Variants in TMTC2 observed in about 807,000 individuals in gnomAD.
The protein encoded by TMTC2 is protein O-mannosyl-transferase TMTC2.
TMTC2 carries 43 observed loss-of-function variants against 82.4 expected under a neutral mutation model. The ratio of observed to expected loss-of-function variants is 0.52; its 90% CI spans 0.41 to 0.67. The LOEUF is 0.67. TMTC2 is among the 30% of genes least tolerant of loss of function. The probability of loss-of-function intolerance (pLI) is 0.00; values close to 1 mark genes in which losing one functional copy is unlikely to be tolerated. For missense variants in TMTC2, 919 were observed against 1,012.4 expected (o/e 0.91, Z 1.25); for synonymous variants, 408 against 381.9 (o/e 1.07, Z -0.80).
chr12:82,965,889 A>T, intron 6 of TMTC2, 145 bp downstream of exon 6: 1 of 777,462 alleles, frequency 1.3e-6, no homozygotes, highest in Non-Finnish European at 2.0e-6. Context: ...TGAGAAACTA[A>T]TACATGATGA....
chr12:83,099,858 T>C (rs1884154934), intron 11 of TMTC2, among the ~76,000 whole-genome samples: 1 of 152,174 alleles, frequency 6.6e-6, no homozygotes, highest in South Asian at 2.1e-4. Context: ...TACTGAATTA[T>C]TATAGCTTTT....
intron 11 of TMTC2, among the ~76,000 whole-genome samples, chr12:83,080,608 A>G (rs1592733980): frequency 6.6e-6 from 1 of 152,132 alleles, no homozygotes; most frequent in Non-Finnish European, 1.5e-5. Flanking sequence ...CAGAATGCAA[A>G]CCCCAGGCAG....
At chr12:82,836,380 A>G (rs1176164534) in intron 1 of TMTC2, among the ~76,000 whole-genome samples, 1 of 152,224 alleles carries the variant, frequency 6.6e-6, no homozygotes, top group Non-Finnish European at 1.5e-5. Flanking sequence ...CAGTGCATTC[A>G]CAAAGATCCT....
chr12:83,017,607 A>G (rs1880730817), intron 8 of TMTC2, among the ~76,000 whole-genome samples: 1 of 152,194 alleles, frequency 6.6e-6, no homozygotes, highest in African/African-American at 2.4e-5. Flanking sequence ...CCCCAGTCTT[A>G]GTGTCCGCTG....
intron 11 of TMTC2, 106 bp downstream of exon 11, chr12:83,061,937 GT>G (rs1419353705): frequency 2.3e-5 from 21 of 913,228 alleles, no homozygotes; most frequent in Non-Finnish European, 1.7e-5. Flanking sequence ...GTTTTGTTTT[GT>G]TTTGTTTTTT....
rs73354499 is a variant in TMTC2 at position 82,696,317 on chromosome 12, C to T, written c.83+8648C>T. On this transcript the variant is annotated intron_variant, in intron 1 of 11. Transcript: ENST00000321196. Reference sequence around the variant, plus strand: ...CTTCATTTAAAATAGGAAGGTTATTCTTGTTATTCTAGTGAAAGAAAAAAA... The same window carrying T: ...CTTCATTTAAAATAGGAAGGTTATTTTTGTTATTCTAGTGAAAGAAAAAAA... Among the ~76,000 whole-genome samples, 753 of 152,076 alleles carry T rather than the reference C, an allele frequency of 5.0e-3. 5 individuals carry two copies. Among genetic ancestry groups the T allele is most frequent in the African/African-American group, 0.017 (726 of 41,488 alleles).
At chr12:83,045,858 A>G (rs1227564556) in intron 9 of TMTC2, among the ~76,000 whole-genome samples, 3 of 152,042 alleles carry the variant, frequency 2.0e-5, no homozygotes, top group African/African-American at 7.3e-5. Flanking sequence ...TTCCTAATAG[A>G]CAGAAAACAC....
chr12:82,807,992 G>A (rs928976549), intron 1 of TMTC2, among the ~76,000 whole-genome samples: 1 of 151,840 alleles, frequency 6.6e-6, no homozygotes, highest in Admixed American at 6.6e-5. Flanking sequence ...ATTTGAGACT[G>A]TTTAATAATG....
intron 8 of TMTC2, among the ~76,000 whole-genome samples, chr12:82,988,858 T>C (rs983679337): frequency 6.1e-5 from 9 of 146,786 alleles, no homozygotes; most frequent in African/African-American, 2.3e-4. Context: ...CTATTCCATC[T>C]AGAATGCCTG....
intron 4 of TMTC2, among the ~76,000 whole-genome samples, chr12:82,957,098 G>T (rs1434610265): frequency 2.0e-5 from 3 of 152,008 alleles, no homozygotes; most frequent in African/African-American, 7.3e-5. Flanking sequence ...ATCTGTACAT[G>T]GAACATCACC....
chr12:82,874,301 A>G (rs1002345677), intron 2 of TMTC2, among the ~76,000 whole-genome samples: 11 of 152,208 alleles, frequency 7.2e-5, no homozygotes, highest in Non-Finnish European at 1.6e-4. Context: ...TGAACAACTC[A>G]TTTAACCTCT....
At position 82,867,421 on chromosome 12, in the gene TMTC2, T is replaced by A. The variant is rs142096768; in HGVS notation, c.654+9841T>A. 1.5e-3 allele frequency among the ~76,000 whole-genome samples: 221 copies of A among 152,228 alleles called. 1 individual carries two copies. The highest frequency in any genetic ancestry group is 4.7e-3 in the African/African-American group (197 of 41,544). ...TTGTCAATTTTGCTTATGATTACTG[T>A]AAATTAAAGAAAACAGTACAGATAA... On this transcript the variant is annotated intron_variant, in intron 2 of 11. Transcript: ENST00000321196.
At chr12:82,986,181 C>T (rs1879147437) in intron 8 of TMTC2, 135 bp downstream of exon 8, 8 of 1,204,178 alleles carry the variant, frequency 6.6e-6, no homozygotes, top group Non-Finnish European at 8.2e-6. Flanking sequence ...TAACTTTGAA[C>T]CCTGTACAGA....
At chr12:82,858,566 T>A (rs1240794764) in intron 2 of TMTC2, among the ~76,000 whole-genome samples, 3 of 152,242 alleles carry the variant, frequency 2.0e-5, no homozygotes, top group Admixed American at 2.0e-4. Flanking sequence ...CATCGATTTC[T>A]AATTTTATTT....
At chr12:82,830,399 T>G (rs557497570) in intron 1 of TMTC2, among the ~76,000 whole-genome samples, 2 of 152,108 alleles carry the variant, frequency 1.3e-5, no homozygotes, top group African/African-American at 4.8e-5. Context: ...TTGGTGCACA[T>G]TGTATCTTGC....
chr12:82,942,718 A>G (rs893924732), intron 4 of TMTC2, among the ~76,000 whole-genome samples: 1 of 152,210 alleles, frequency 6.6e-6, no homozygotes, highest in Non-Finnish European at 1.5e-5. Context: ...TCAAGATGCC[A>G]GACATGGATT....
intron 1 of TMTC2, among the ~76,000 whole-genome samples, chr12:82,785,365 C>T (rs1438215961): frequency 1.5e-5 from 2 of 132,272 alleles, no homozygotes; most frequent in African/African-American, 2.7e-5. Flanking sequence ...AACCCCCCCC[C>T]GTCCCCCCCA....
At chr12:82,906,047 G>T (rs1874287911) in intron 3 of TMTC2, among the ~76,000 whole-genome samples, 1 of 151,900 alleles carries the variant, frequency 6.6e-6, no homozygotes, top group Non-Finnish European at 1.5e-5. Context: ...CAAAATTGGT[G>T]GTTCTATTTC....
At chr12:83,115,827 G>A (rs1046699230) in intron 11 of TMTC2, among the ~76,000 whole-genome samples, 1 of 151,976 alleles carries the variant, frequency 6.6e-6, no homozygotes, top group Non-Finnish European at 1.5e-5. Flanking sequence ...TCTCAGTGTT[G>A]CCCAAGCTGG....
Sources: allele counts gnomAD v4.1 joint callset (sites outside exome capture counted in the v4.1 genomes callset), GRCh38; gene constraint gnomAD v4.1.1; transcripts MANE v1.5; gene names NCBI Gene and HGNC (gene_info 2026-07-23, HGNC 2026-07-21).